EVC2: variants seen among roughly 807,000 people sequenced by gnomAD.
The protein encoded by EVC2 is limbin.
In EVC2, 148 loss-of-function variants were observed where a neutral mutation model predicts 149.3. That is an observed-to-expected ratio of 0.99 (90% confidence interval 0.87 to 1.14). EVC2 has a LOEUF of 1.14. Ranked by LOEUF, EVC2 falls within the 50% of genes most tolerant of loss-of-function variation. EVC2 has a pLI of 0.00. For synonymous variants in EVC2, 776 were observed against 649.9 expected, an observed-to-expected ratio of 1.19 and a Z score of -2.95; for missense variants, 1,854 against 1,627.3, an observed-to-expected ratio of 1.14 and a Z score of -2.40.
intron 6 of EVC2, 67 bp downstream of exon 6, chr4:5,685,303 G>T: frequency 2.1e-6 from 3 of 1,436,884 alleles, no homozygotes; most frequent in Non-Finnish European, 2.9e-6. Flanking sequence ...TGTCTGAAGT[G>T]TCCCTATTTC....
chr4:5,708,615 C>A (rs1314151838), upstream of EVC2: 21 of 864,390 alleles, frequency 2.4e-5, no homozygotes, highest in Non-Finnish European at 3.4e-5. Flanking sequence ...CAGTGCGAGC[C>A]GCCGCCGAAA....
rs138713657 is a variant in EVC2, at chr4:5,685,156, G to A, written c.816+214C>T. Among the ~76,000 whole-genome samples, 753 of 152,300 alleles carry A rather than the reference G, an allele frequency of 4.9e-3. 1 individual carries two copies. The highest frequency in any genetic ancestry group is 8.0e-3 in the Non-Finnish European group (545 of 68,020). On this transcript the variant is annotated intron_variant, in intron 6 of 21. Transcript: ENST00000344408. Reference sequence around the variant, plus strand: ...GATAACCTCATGTGAGGCCCAGAGGGGTTAAGTAACTTAGGCAAAGTCACA... The same window carrying A: ...GATAACCTCATGTGAGGCCCAGAGGAGTTAAGTAACTTAGGCAAAGTCACA...
At chr4:5,617,101 TA>T (rs5855864) in intron 15 of EVC2, among the ~76,000 whole-genome samples, 18,525 of 150,994 alleles carry the variant, frequency 0.12, 2,298 homozygotes, top group African/African-American at 0.32. Flanking sequence ...CAACAGTACT[TA>T]AAAAAAAAAT....
intron 17 of EVC2, among the ~76,000 whole-genome samples, chr4:5,577,069 A>G (rs1577109302): frequency 6.6e-6 from 1 of 152,224 alleles, no homozygotes. Context: ...TGCTCTGTGT[A>G]CTTTCCATAC....
downstream of EVC2, among the ~76,000 whole-genome samples, chr4:5,557,966 TGGA>T (rs1721867638): frequency 6.6e-6 from 1 of 152,076 alleles, no homozygotes; most frequent in East Asian, 1.9e-4. Context: ...TTCAATATTG[TGGA>T]GATGTCAATT....
intron 1 of EVC2, among the ~76,000 whole-genome samples, chr4:5,706,804 G>A (rs1487730390): frequency 6.6e-6 from 1 of 152,150 alleles, no homozygotes; most frequent in Non-Finnish European, 1.5e-5. Flanking sequence ...CCAGGGCCCA[G>A]GGGACGTGCT....
At chr4:5,603,245 G>A (rs761414851) in intron 16 of EVC2, among the ~76,000 whole-genome samples, 1 of 152,106 alleles carries the variant, frequency 6.6e-6, no homozygotes, top group South Asian at 2.1e-4. Context: ...ATTTTATTGG[G>A]GTCAGTGGGA....
rs73794677 is a variant in EVC2, at chr4:5,622,134, C to T, written c.2501+403G>A. Among the ~76,000 whole-genome samples the T allele has an allele frequency of 0.017, 2,580 of 152,200 alleles. 71 individuals are homozygous for T. The highest frequency in any genetic ancestry group is 0.058 in the African/African-American group (2,400 of 41,538). On this transcript the variant is annotated intron_variant, in intron 14 of 21. Coordinates refer to ENST00000344408, the MANE Select transcript of EVC2 (RefSeq NM_147127.5). The surrounding 1 kb of genome is among the most constrained non-coding windows in gnomAD (Gnocchi z 5.8). ...GCCTAACCGCAAGCTCCCCTTCCCC[C>T]TCTGCTCCTGTGGATCATGTCCCCT...
chr4:5,656,379 C>T (rs915750398), intron 9 of EVC2, among the ~76,000 whole-genome samples: 3 of 152,212 alleles, frequency 2.0e-5, no homozygotes, highest in Non-Finnish European at 4.4e-5. Context: ...CCTTCCTCAT[C>T]CTCTTGAGAT....
At chr4:5,583,623 T>A (rs1350304743) in intron 17 of EVC2, among the ~76,000 whole-genome samples, 2 of 152,152 alleles carry the variant, frequency 1.3e-5, no homozygotes, top group Admixed American at 6.5e-5. Flanking sequence ...AGTTTTTGAA[T>A]TCATCTGTAT....
chr4:5,676,230 A>G (rs1482722685), intron 7 of EVC2, among the ~76,000 whole-genome samples: 1 of 152,160 alleles, frequency 6.6e-6, no homozygotes, highest in East Asian at 1.9e-4. Flanking sequence ...GGGGAAGACA[A>G]CTTCTTGAGA....
At chr4:5,587,716 G>A (rs1284911476) in intron 16 of EVC2, among the ~76,000 whole-genome samples, 1 of 152,158 alleles carries the variant, frequency 6.6e-6, no homozygotes, top group Non-Finnish European at 1.5e-5. Flanking sequence ...CCTTTTAAGG[G>A]CTCACAACTC....
rs1715766872 is a variant in EVC2, at chr4:5,622,538, T to G, written c.2500A>C (p.Met834Leu). The G allele has an allele frequency of 6.2e-7, 1 of 1,613,610 alleles. No individual in the cohort carries two copies. The highest frequency in any genetic ancestry group is 8.5e-7 in the Non-Finnish European group (1 of 1,179,856). Residue 834 changes from methionine to leucine, a missense_variant and splice_region_variant, in exon 14 of 22, where the codon ATG becomes CTG. Met to Leu is a conservative substitution (Grantham distance 15). Transcript: ENST00000344408. This position sits in a 1 kb window ranked among gnomAD's most constrained non-coding sequence, Gnocchi z 5.8. ...ATTACGACCCGCAAAGGCACTCACA[T>G]GAAGATCAGGTGCTCCCAGCGTCGC... ...ELRRWEHLIF[M>L]KLCSSVFSLS...
At chr4:5,704,726 G>C (rs773961545) in intron 1 of EVC2, among the ~76,000 whole-genome samples, 4 of 152,128 alleles carry the variant, frequency 2.6e-5, no homozygotes, top group Admixed American at 6.5e-5. Flanking sequence ...TGTTGTTTGA[G>C]AGAGGGTCTT....
rs1722950081 is a variant in EVC2, at chr4:5,576,573, C to T, written c.3058-119G>A. The T allele has an allele frequency of 2.0e-6, 3 of 1,515,262 alleles. No homozygotes were observed. Among genetic ancestry groups the T allele is most frequent in the South Asian group, 2.4e-5 (2 of 82,872 alleles). 93.9% of individuals were successfully genotyped at this position (1,515,262 alleles called of 1,614,324 possible). On this transcript the variant is annotated intron_variant, in intron 17 of 21. Transcript: ENST00000344408. The surrounding 1 kb of genome is among the most constrained non-coding windows in gnomAD (Gnocchi z 4.5). ...TGGCATGACTCTGTCTTGCCTGGTT[C>T]CCCATCCAGCTGTGCCACATGGTGC...
intron 16 of EVC2, among the ~76,000 whole-genome samples, chr4:5,593,875 C>T (rs544655087): frequency 2.0e-5 from 3 of 152,334 alleles, no homozygotes; most frequent in South Asian, 2.1e-4. Flanking sequence ...CCTAACACTG[C>T]GCTTTTCCGA....
intron 17 of EVC2, among the ~76,000 whole-genome samples, chr4:5,580,389 T>C (rs1479509910): frequency 6.6e-6 from 1 of 152,230 alleles, no homozygotes; most frequent in Admixed American, 6.5e-5. Context: ...CTAAACAAAC[T>C]AGAGGTAGGA....
At chr4:5,704,675 T>C (rs1722025569) in intron 1 of EVC2, among the ~76,000 whole-genome samples, 1 of 152,144 alleles carries the variant, frequency 6.6e-6, no homozygotes, top group Non-Finnish European at 1.5e-5. Context: ...GATCTCCATC[T>C]TTCCTGACCA....
rs1193570001 is a variant in EVC2, at chr4:5,708,484, G to A, written c.30C>T (p.Pro10=). 19 of 1,485,768 alleles carry A rather than the reference G, an allele frequency of 1.3e-5. No individual in the cohort carries two copies. Among genetic ancestry groups the A allele is most frequent in the Non-Finnish European group, 1.7e-5 (19 of 1,125,968 alleles). 92.0% of individuals were successfully genotyped at this position (1,485,768 alleles called of 1,614,324 possible). A position where few individuals can be genotyped will look rare whatever the true frequency, so the allele number is the denominator to read the frequency against. Residue 10 remains proline (P), a synonymous_variant, in exon 1 of 22, where the codon CCC becomes CCT. Transcript: ENST00000344408. ...GGAGACCCCCGGCCAGCACCCACGT[G>A]GGGCGCCCCCGGGAGCCCGAGGGGT... MDPSGSRGR[P]TWVLAGGLLA... is the part of the protein sequence containing the mutation.
Sources: allele counts gnomAD v4.1 joint callset (sites outside exome capture counted in the v4.1 genomes callset), GRCh38; gene constraint gnomAD v4.1.1; non-coding constraint Gnocchi (gnomAD v3.1); transcripts MANE v1.5; gene names NCBI Gene and HGNC (gene_info 2026-07-23, HGNC 2026-07-21).